Variants in IFT140 observed in about 807,000 individuals in gnomAD.
IFT140 encodes the protein intraflagellar transport 140.
In IFT140, 133 loss-of-function variants were observed where a neutral mutation model predicts 164.6. That is an observed-to-expected ratio of 0.81 (90% CI 0.70 to 0.93). The LOEUF (loss-of-function observed/expected upper bound fraction) is 0.93, where lower values mean the gene tolerates loss of function less well. Among genes scored for constraint, IFT140 ranks in the 40% least tolerant of loss-of-function variants. IFT140 has a pLI of 0.00. For missense variants in IFT140, 2,045 were observed against 1,972.3 expected (o/e 1.04, Z -0.70); for synonymous variants, 860 against 817.3 (o/e 1.05, Z -0.89).
chr16:1,514,899 A>C (rs938352172), intron 30 of IFT140, among the ~76,000 whole-genome samples: 5 of 152,194 alleles, frequency 3.3e-5, no homozygotes, highest in Non-Finnish European at 7.3e-5. Flanking sequence ...ACAAATTAAC[A>C]AATAGGGAAT....
At chr16:1,569,554 C>G (rs2033914461) in intron 14 of IFT140, among the ~76,000 whole-genome samples, 1 of 147,922 alleles carries the variant, frequency 6.8e-6, no homozygotes, top group Non-Finnish European at 1.5e-5. Context: ...TTTCCCTCCA[C>G]TCCCCTCCTC....
rs565921463 is a variant in IFT140 at position 1,561,021 on chromosome 16, G to A, written c.2199+964C>T. Among the ~76,000 whole-genome samples the A allele has an allele frequency of 1.2e-4, 18 of 152,334 alleles. No individual in the cohort carries two copies. In the South Asian group the frequency reaches 1.9e-3, roughly 16 times the overall value. ...GGAAGCTGGTGGCCCCCTGCCTCCC[G>A]CCTGCAGAACCCCTGTGGGGCTCAC... On this transcript the variant is annotated intron_variant, in intron 18 of 30. Coordinates refer to ENST00000426508, the MANE Select transcript of IFT140 (RefSeq NM_014714.4).
At chr16:1,579,993 G>C (rs1383394231) in intron 13 of IFT140, among the ~76,000 whole-genome samples, 1 of 150,952 alleles carries the variant, frequency 6.6e-6, no homozygotes, top group Non-Finnish European at 1.5e-5. Flanking sequence ...GAACCTCTTA[G>C]AGGTCGCCCT....
Position 1,510,889 on chromosome 16 carries a change from A to G in IFT140, c.*55T>C. On this transcript the variant is annotated 3_prime_UTR_variant, in exon 31 of 31. Transcript: ENST00000426508. ...GCTGGCTTTGCCACAGCTGACAAAAAAATTCCAGAAGATGCCTTTCTGCAG... is the reference window on the plus strand; with the variant it reads ...GCTGGCTTTGCCACAGCTGACAAAAGAATTCCAGAAGATGCCTTTCTGCAG... The G allele has an allele frequency of 2.6e-6, 4 of 1,536,226 alleles. No individual in the cohort carries two copies. Among genetic ancestry groups the G allele is most frequent in the Non-Finnish European group, 3.6e-6 (4 of 1,123,922 alleles).
At chr16:1,550,749 C>G (rs185559314) in intron 19 of IFT140, among the ~76,000 whole-genome samples, 147 of 152,372 alleles carry the variant, frequency 9.6e-4, no homozygotes, top group African/African-American at 3.4e-3. Flanking sequence ...CAAGGCCCTG[C>G]CAAATGCCAC....
intron 19 of IFT140, among the ~76,000 whole-genome samples, chr16:1,556,256 G>A (rs770014290): frequency 3.9e-5 from 6 of 152,228 alleles, no homozygotes; most frequent in Non-Finnish European, 7.3e-5. Flanking sequence ...CCTTGAGTTG[G>A]GCAGAAAACA....
Position 1,602,484 on chromosome 16 carries a change from C to T in IFT140, c.255G>A (p.Val85=), listed in dbSNP as rs1460243197. ...VLAVGWETGE[V]TVFNKQDKEQ... is the part of the protein sequence containing the mutation. ...CCTTGTCCTGCTTGTTAAACACCGTCACTTCTCCAGTCTCCCAGCCCACAG... is the reference window on the plus strand; with the variant it reads ...CCTTGTCCTGCTTGTTAAACACCGTTACTTCTCCAGTCTCCCAGCCCACAG... The change falls in exon 4 of 31, where the codon GTG becomes GTA. Residue 85 remains valine, a synonymous_variant. Transcript: ENST00000426508. 4 of 1,614,102 alleles carry T rather than the reference C, an allele frequency of 2.5e-6. No homozygotes were observed. The highest frequency in any genetic ancestry group is 1.7e-5 in the Admixed American group (1 of 60,006).
rs546569461 is a variant in IFT140, at chr16:1,602,276, A to G, written c.369+94T>C. The G allele has an allele frequency of 4.4e-5, 48 of 1,103,066 alleles. No individual in the cohort carries two copies. In the South Asian group the frequency reaches 5.8e-4, roughly 13 times the overall value. The allele number at this position is 1,103,066 out of a possible 1,614,324, so 68.3% of individuals were successfully genotyped here. A position where few individuals can be genotyped will look rare whatever the true frequency, so the allele number is the denominator to read the frequency against. On this transcript the variant is annotated intron_variant, in intron 4 of 30. Coordinates refer to ENST00000426508, the MANE Select transcript of IFT140 (RefSeq NM_014714.4). ...CTGACAAGATCAACTGAATTTGGCA[A>G]CAGCACGGTTCCCATATTTTGATCT...
chr16:1,609,274 A>AT (rs1458799580), intron 2 of IFT140, among the ~76,000 whole-genome samples: 2 of 152,216 alleles, frequency 1.3e-5, no homozygotes, highest in Non-Finnish European at 2.9e-5. Context: ...TGAGTGATAC[A>AT]TTAATACGAC....
Position 1,510,644 on chromosome 16 carries a change from AG to A in IFT140, c.*299del. ...CTTCCTGAGGTTCTAGAAGTTTCTC[AG>A]GCTTTACAATGTGTAGTTGGGAGAA... On this transcript the variant is annotated 3_prime_UTR_variant, in exon 31 of 31. Coordinates refer to ENST00000426508, the MANE Select transcript of IFT140 (RefSeq NM_014714.4). 2.1e-6 allele frequency: 1 copy of A among 473,990 alleles called. No homozygotes were observed. The allele number at this position is 473,990 out of a possible 1,614,324, so 29.4% of individuals were successfully genotyped here. A position where few individuals can be genotyped will look rare whatever the true frequency, so the allele number is the denominator to read the frequency against.
chr16:1,520,107 T>A (rs200660371), intron 28 of IFT140, 24 bp downstream of exon 28: 1 of 1,611,826 alleles, frequency 6.2e-7, no homozygotes, highest in Non-Finnish European at 8.5e-7. Flanking sequence ...GGGGCCCCGC[T>A]GGCATGCCAG....
At chr16:1,546,433 C>T (rs1031830516) in intron 19 of IFT140, among the ~76,000 whole-genome samples, 6 of 152,184 alleles carry the variant, frequency 3.9e-5, no homozygotes, top group Non-Finnish European at 7.3e-5. Context: ...AGTGCCTGGA[C>T]GAGCCCCCCT....
intron 8 of IFT140, 72 bp from the exon 9 acceptor site, chr16:1,587,376 C>A: frequency 1.1e-6 from 1 of 920,294 alleles, no homozygotes; most frequent in Admixed American, 1.9e-5. Context: ...GTTTTTGAAC[C>A]TGTGGAGCAA....
At chr16:1,585,479 TC>T (rs1388785315) in intron 10 of IFT140, among the ~76,000 whole-genome samples, 1 of 152,160 alleles carries the variant, frequency 6.6e-6, no homozygotes, top group East Asian at 1.9e-4. Context: ...GTTCTAGAAT[TC>T]ACTGCAGTGA....
intron 12 of IFT140, among the ~76,000 whole-genome samples, chr16:1,582,439 G>A (rs1433332764): frequency 6.6e-6 from 1 of 152,232 alleles, no homozygotes; most frequent in Non-Finnish European, 1.5e-5. Flanking sequence ...TGGCCCTGCT[G>A]ACGCGATCAC....
intron 11 of IFT140, 36 bp from the exon 12 acceptor site, chr16:1,583,422 G>T: frequency 6.3e-7 from 1 of 1,583,022 alleles, no homozygotes; most frequent in East Asian, 2.2e-5. Context: ...GCAAAGGGCG[G>T]GAAAAGTGAG....
At chr16:1,541,941 G>C (rs1482760733) in intron 19 of IFT140, 1 of 1,606,588 alleles carries the variant, frequency 6.2e-7, no homozygotes, top group Non-Finnish European at 8.5e-7. Flanking sequence ...CATGATGCGC[G>C]CCTGCAACCT....
chr16:1,592,442 G>A, intron 5 of IFT140, 25 bp downstream of exon 5: 1 of 1,613,324 alleles, frequency 6.2e-7, no homozygotes, highest in Non-Finnish European at 8.5e-7. Flanking sequence ...ACACACACAG[G>A]TCACAGGGCA....
intron 19 of IFT140, among the ~76,000 whole-genome samples, chr16:1,555,755 A>G (rs2033037775): frequency 6.6e-6 from 1 of 152,164 alleles, no homozygotes; most frequent in Non-Finnish European, 1.5e-5. Context: ...AAGTCCTTAC[A>G]GACTCTCTGA....
Sources: allele counts gnomAD v4.1 joint callset (sites outside exome capture counted in the v4.1 genomes callset), GRCh38; gene constraint gnomAD v4.1.1; transcripts MANE v1.5; gene names NCBI Gene and HGNC (gene_info 2026-07-23, HGNC 2026-07-21).